Variants in NGEF observed in about 807,000 individuals in gnomAD.
NGEF encodes the protein ephexin-1.
NGEF carries 31 observed loss-of-function variants against 80.9 expected under a neutral mutation model. The observed-to-expected ratio is 0.38, with a 90% CI of 0.29 to 0.52. NGEF has a LOEUF of 0.52. Ranked by LOEUF, NGEF falls within the 20% of genes least tolerant of loss-of-function variation. NGEF has a pLI of 0.84. For missense variants in NGEF, 709 were observed against 926.2 expected, an observed-to-expected ratio of 0.77 and a Z score of 3.04; for synonymous variants, 371 against 370.2, an observed-to-expected ratio of 1.00 and a Z score of -0.03.
chr2:232,937,439 T>C (rs1037382230), intron 3 of NGEF, among the ~76,000 whole-genome samples: 1 of 152,230 alleles, frequency 6.6e-6, no homozygotes, highest in African/African-American at 2.4e-5. Context: ...ACCTTGTGGG[T>C]AATTCATTGC....
In NGEF at chr2:232,879,420, G is replaced by GCCCCCCCCCC. The variant is rs67252740; in HGVS notation, c.*59_*68dup. 24 of 1,231,488 alleles carry GCCCCCCCCCC rather than the reference G, an allele frequency of 1.9e-5. 1 individual carries two copies. The South Asian group carries it at 3.2e-4, about 17-fold the overall frequency. 76.3% of individuals were successfully genotyped at this position (1,231,488 alleles called of 1,614,324 possible). On this transcript the variant is annotated 3_prime_UTR_variant, in exon 15 of 15. Transcript: ENST00000264051. ...GAGGTGCTGGCCTGTGCTTCCCAGA[G>GCCCCCCCCCC]CCCCCCCCCCCCCACCTTCTGTCGG...
At chr2:232,931,748 T>C (rs979167850) in intron 3 of NGEF, among the ~76,000 whole-genome samples, 14 of 151,938 alleles carry the variant, frequency 9.2e-5, no homozygotes, top group Non-Finnish European at 2.1e-4. Flanking sequence ...GGAAGGAAGA[T>C]TGTTGGACTT....
Position 232,879,436 on chromosome 2 carries a change from C to CCCCTCT in NGEF, c.*52_*53insAGAGGG. The CCCCTCT allele has an allele frequency of 4.1e-6, 6 of 1,460,012 alleles. No homozygotes were observed. Among genetic ancestry groups the CCCCTCT allele is most frequent in the South Asian group, 2.6e-5 (2 of 76,654 alleles). The allele number at this position is 1,460,012 out of a possible 1,614,324, so 90.4% of individuals were successfully genotyped here. ...CTTCCCAGAGCCCCCCCCCCCCCACCTTCTGTCGGGGTCTCATGCAGGCCC... is the reference window on the plus strand; with the variant it reads ...CTTCCCAGAGCCCCCCCCCCCCCACCCCCTCTTTCTGTCGGGGTCTCATGCAGGCCC... On this transcript the variant is annotated 3_prime_UTR_variant, in exon 15 of 15. Transcript: ENST00000264051.
chr2:232,949,322 A>G (rs1316554318), intron 3 of NGEF, among the ~76,000 whole-genome samples: 1 of 152,218 alleles, frequency 6.6e-6, no homozygotes, highest in Non-Finnish European at 1.5e-5. Context: ...CAAATAGCTC[A>G]GTGATAGTAA....
Position 232,956,394 on chromosome 2 carries a change from T to G in NGEF, c.383+13820A>C, listed in dbSNP as rs906242807. On this transcript the variant is annotated intron_variant, in intron 3 of 14. Transcript: ENST00000264051. ...ATTAGAAAAAGATTTGGCTGCAATA[T>G]AAGATTGTGACTAACAGAAGAAACA... Among the ~76,000 whole-genome samples the G allele has an allele frequency of 2.2e-5, 3 of 139,524 alleles. 1 individual carries two copies. Among genetic ancestry groups the G allele is most frequent in the African/African-American group, 8.4e-5 (3 of 35,510 alleles). 91.5% of individuals were successfully genotyped at this position (139,524 alleles called of 152,430 possible). A position where few individuals can be genotyped will look rare whatever the true frequency, so the allele number is the denominator to read the frequency against.
intron 1 of NGEF, among the ~76,000 whole-genome samples, chr2:233,002,552 T>C (rs772057824): frequency 3.3e-5 from 5 of 152,172 alleles, no homozygotes; most frequent in East Asian, 1.9e-4. Context: ...TGGTGCACGC[T>C]TGTAGTCCCA....
chr2:232,906,080 G>GC (rs1178853712), intron 5 of NGEF, among the ~76,000 whole-genome samples: 2 of 121,278 alleles, frequency 1.6e-5, no homozygotes, highest in Non-Finnish European at 3.6e-5. Context: ...GAGGGGGTCA[G>GC]CCCCCCGCCT....
At chr2:233,001,795 A>G (rs1044830781) in intron 1 of NGEF, among the ~76,000 whole-genome samples, 1 of 151,846 alleles carries the variant, frequency 6.6e-6, no homozygotes, top group Admixed American at 6.6e-5. Flanking sequence ...CGGGTGGATC[A>G]CCTGAGGTCA....
chr2:232,920,072 T>C lies in NGEF; in HGVS notation c.828+212A>G, dbSNP rs76599157. Among the ~76,000 whole-genome samples, 709 of 152,340 alleles carry C rather than the reference T, an allele frequency of 4.7e-3. 8 individuals carry two copies. The highest frequency in any genetic ancestry group is 0.016 in the African/African-American group (685 of 41,578). ...CAGCAATGCTTCAGACGCTCAATGT[T>C]GGGGGTGAGCTGTCCTAGAAGGTAG... On this transcript the variant is annotated intron_variant, in intron 5 of 14. Coordinates refer to ENST00000264051, the MANE Select transcript of NGEF (RefSeq NM_019850.3).
At chr2:232,928,220 C>T in intron 3 of NGEF, 1 of 951,622 alleles carries the variant, frequency 1.1e-6, no homozygotes, top group Non-Finnish European at 1.2e-6. Flanking sequence ...GGGAGGGGCG[C>T]GCGCGGCGGG....
chr2:232,942,778 A>G (rs1175701490), intron 3 of NGEF, among the ~76,000 whole-genome samples: 1 of 146,084 alleles, frequency 6.8e-6, no homozygotes, highest in East Asian at 2.0e-4. Flanking sequence ...AGGCTGAGGC[A>G]GGAGACTCCG....
chr2:232,879,311 G>A lies in NGEF; in HGVS notation c.*178C>T, dbSNP rs709937. The A allele has an allele frequency of 0.3, 180,989 of 604,364 alleles. 28,522 individuals carry two copies. Among genetic ancestry groups the A allele is most frequent in the East Asian group, 0.4 (14,220 of 35,862 alleles). 37.4% of individuals were successfully genotyped at this position (604,364 alleles called of 1,614,324 possible). A position where few individuals can be genotyped will look rare whatever the true frequency, so the allele number is the denominator to read the frequency against. ...CTTGGGCACCCTTTATCCAGTTTGC[G>A]AGCAAGGGGCCAAGACACATGAGCA... On this transcript the variant is annotated 3_prime_UTR_variant, in exon 15 of 15. Transcript: ENST00000264051.
chr2:232,901,349 C>G (rs1392294004), intron 5 of NGEF: 1 of 985,334 alleles, frequency 1.0e-6, no homozygotes, highest in Non-Finnish European at 1.2e-6. Flanking sequence ...GATTTCTCCT[C>G]CCCGCTCTTT....
intron 1 of NGEF, among the ~76,000 whole-genome samples, chr2:233,009,874 C>A (rs969984124): frequency 6.6e-6 from 1 of 152,096 alleles, no homozygotes; most frequent in African/African-American, 2.4e-5. Flanking sequence ...GCCATCCCCT[C>A]CACCTTCCCT....
At chr2:232,905,576 T>C in intron 5 of NGEF, 1 of 261,264 alleles carries the variant, frequency 3.8e-6, no homozygotes, top group Non-Finnish European at 7.8e-6. Context: ...GTCTGGGACG[T>C]GAGGAGCCCC....
At chr2:233,012,328 C>G (rs1392761594) in intron 1 of NGEF, among the ~76,000 whole-genome samples, 1 of 152,212 alleles carries the variant, frequency 6.6e-6, no homozygotes, top group Non-Finnish European at 1.5e-5. Flanking sequence ...GAACCTACCA[C>G]TTTCACATCC....
In NGEF at chr2:233,005,696, C is replaced by T. The variant is rs188401847; in HGVS notation, c.-75+7372G>A. 1.4e-3 allele frequency among the ~76,000 whole-genome samples: 220 copies of T among 152,354 alleles called. 2 individuals carry two copies. The highest frequency in any genetic ancestry group is 0.014 in the Middle Eastern group (4 of 294). ...TCTGGAGGCTGGAAAAGGCAGGAAA[C>T]ATCCTCTCCCAGAGCCATCAGAAGG... On this transcript the variant is annotated intron_variant, in intron 1 of 14. Coordinates refer to ENST00000264051, the MANE Select transcript of NGEF (RefSeq NM_019850.3).
chr2:232,926,123 G>A (rs1693060309), intron 4 of NGEF, among the ~76,000 whole-genome samples: 1 of 152,204 alleles, frequency 6.6e-6, no homozygotes, highest in African/African-American at 2.4e-5. Context: ...CGTCCTGTCT[G>A]TCCAAGCATT....
At chr2:232,997,198 C>G (rs1285999176) in intron 1 of NGEF, among the ~76,000 whole-genome samples, 3 of 152,208 alleles carry the variant, frequency 2.0e-5, no homozygotes, top group Non-Finnish European at 2.9e-5. Context: ...GCTTCTGATT[C>G]AGGAAGTCTC....
Sources: gnomAD v4.1 joint callset for allele counts (sites outside exome capture counted in the v4.1 genomes callset) on GRCh38, gnomAD v4.1.1 for gene constraint, MANE v1.5 for transcripts, NCBI Gene and HGNC (gene_info 2026-07-23, HGNC 2026-07-21) for gene names.